Variants in CCDC178 observed in about 807,000 individuals in gnomAD.
The protein encoded by CCDC178 is coiled-coil domain containing 178.
A neutral mutation model predicts 117.4 loss-of-function variants in CCDC178; 126 were observed. The observed-to-expected ratio is 1.07, with a 90% CI of 0.93 to 1.24. CCDC178 has a LOEUF of 1.24. Among genes scored for constraint, CCDC178 ranks in the 50% most tolerant of loss-of-function variants. The pLI, the probability that CCDC178 is intolerant of heterozygous loss-of-function variation, is 0.00. For synonymous variants in CCDC178, 283 were observed against 313.4 expected (o/e 0.90, Z 1.02); for missense variants, 1,030 against 986.9 (o/e 1.04, Z -0.59).
chr18:33,126,996 AAAT>A (rs1444534958), intron 20 of CCDC178, among the ~76,000 whole-genome samples: 3 of 139,426 alleles, frequency 2.2e-5, no homozygotes, highest in African/African-American at 8.7e-5. Context: ...TAAAAAAAAA[AAAT>A]ATATATATAT....
At chr18:33,188,872 T>G (rs2058825777) in intron 20 of CCDC178, among the ~76,000 whole-genome samples, 1 of 152,202 alleles carries the variant, frequency 6.6e-6, no homozygotes, top group Admixed American at 6.6e-5. Flanking sequence ...AGAAAATGAC[T>G]ACAGTGGTTC....
In CCDC178 at chr18:33,413,910, T is replaced by C. The variant is rs368554108; in HGVS notation, c.-22-1800A>G. ...ATAAAATCTATGAGAAGACTGCCCATAGACTGAAGCCCAGCCTCAAATTAC... is the reference window on the plus strand; with the variant it reads ...ATAAAATCTATGAGAAGACTGCCCACAGACTGAAGCCCAGCCTCAAATTAC... On this transcript the variant is annotated intron_variant, in intron 2 of 22. Transcript: ENST00000383096. Among the ~76,000 whole-genome samples, 300 of 152,280 alleles carry C rather than the reference T, an allele frequency of 2.0e-3. 1 individual carries two copies. Among genetic ancestry groups the C allele is most frequent in the African/African-American group, 6.9e-3 (286 of 41,554 alleles).
At chr18:33,273,110 T>C (rs537704356) in intron 12 of CCDC178, among the ~76,000 whole-genome samples, 48 of 151,476 alleles carry the variant, frequency 3.2e-4, no homozygotes, top group Non-Finnish European at 2.5e-4. Flanking sequence ...TAAACATCTG[T>C]ATTTGCAGAT....
intron 11 of CCDC178, among the ~76,000 whole-genome samples, chr18:33,312,817 T>C (rs2062360825): frequency 6.6e-6 from 1 of 152,166 alleles, no homozygotes; most frequent in Admixed American, 6.5e-5. Flanking sequence ...TCCCACATAA[T>C]GTTGAAGATG....
chr18:33,388,084 A>G (rs1230554929), intron 5 of CCDC178, among the ~76,000 whole-genome samples: 1 of 152,226 alleles, frequency 6.6e-6, no homozygotes, highest in African/African-American at 2.4e-5. Flanking sequence ...AGAAAAAGGC[A>G]TACATGTGGC....
chr18:33,046,687 T>C (rs1027815476), intron 21 of CCDC178, among the ~76,000 whole-genome samples: 1 of 152,150 alleles, frequency 6.6e-6, no homozygotes, highest in Non-Finnish European at 1.5e-5. Flanking sequence ...AAGTAGCTAC[T>C]TTGAGACTGA....
At chr18:33,286,721 A>G (rs2060102541) in intron 12 of CCDC178, among the ~76,000 whole-genome samples, 1 of 152,176 alleles carries the variant, frequency 6.6e-6, no homozygotes, top group African/African-American at 2.4e-5. Context: ...TTATATGAAA[A>G]CTAAGTTACT....
chr18:33,087,033 GACAC>G (rs35149990), intron 21 of CCDC178, among the ~76,000 whole-genome samples: 1,773 of 133,440 alleles, frequency 0.013, 26 homozygotes, highest in African/African-American at 0.04. Context: ...GCCATTGGTT[GACAC>G]ACACACACAC....
At chr18:33,289,501 C>T (rs1004462029) in intron 12 of CCDC178, among the ~76,000 whole-genome samples, 2 of 151,994 alleles carry the variant, frequency 1.3e-5, no homozygotes, top group Non-Finnish European at 2.9e-5. Flanking sequence ...GTAATCCCAG[C>T]TACTGGGGAG....
Position 33,269,215 on chromosome 18 carries a change from G to C in CCDC178, c.1177-1918C>G, listed in dbSNP as rs183613415. Reference sequence around the variant, plus strand: ...AGCATGGTTGTCCAAAAAAATTACAGGCAATTGATAAACTCTGTGGCCACC... The same window carrying C: ...AGCATGGTTGTCCAAAAAAATTACACGCAATTGATAAACTCTGTGGCCACC... On this transcript the variant is annotated intron_variant, in intron 12 of 22. Transcript: ENST00000383096. Among the ~76,000 whole-genome samples the C allele has an allele frequency of 1.9e-3, 283 of 151,882 alleles. 1 individual carries two copies. Among genetic ancestry groups the C allele is most frequent in the Non-Finnish European group, 3.1e-3 (213 of 67,826 alleles).
intron 21 of CCDC178, among the ~76,000 whole-genome samples, chr18:33,038,192 G>A (rs7235822): frequency 0.056 from 8,507 of 151,868 alleles, 395 homozygotes; most frequent in African/African-American, 0.13. Flanking sequence ...CTAAAATGCT[G>A]GAAAGTCAAC....
At chr18:32,958,192 A>C (rs956995864) in intron 22 of CCDC178, 3 of 584,950 alleles carry the variant, frequency 5.1e-6, no homozygotes, top group Non-Finnish European at 9.4e-6. Flanking sequence ...TTTAAAAGCA[A>C]TTTTATTCTT....
intron 7 of CCDC178, among the ~76,000 whole-genome samples, chr18:33,353,074 G>C (rs114820026): frequency 6.6e-6 from 1 of 151,468 alleles, no homozygotes; most frequent in East Asian, 1.9e-4. Flanking sequence ...TTATATGTCT[G>C]TTTTGAGGTT....
intron 21 of CCDC178, among the ~76,000 whole-genome samples, chr18:33,006,086 T>C (rs971115490): frequency 6.6e-5 from 10 of 152,108 alleles, no homozygotes; most frequent in Non-Finnish European, 1.3e-4. Context: ...GACATTCGTT[T>C]GGTTGACTGT....
chr18:33,435,670 G>C (rs2064278737), intron 2 of CCDC178, among the ~76,000 whole-genome samples: 1 of 40,874 alleles, frequency 2.4e-5, no homozygotes, highest in Admixed American at 3.3e-4. Context: ...AGTGATCATA[G>C]TAAACATTAT....
At chr18:33,282,551 T>C (rs1298500186) in intron 12 of CCDC178, among the ~76,000 whole-genome samples, 2 of 152,202 alleles carry the variant, frequency 1.3e-5, no homozygotes, top group East Asian at 3.9e-4. Flanking sequence ...GCCCACACCA[T>C]AGCTTCTGCA....
At chr18:33,393,199 A>G (rs1051798477) in intron 4 of CCDC178, among the ~76,000 whole-genome samples, 2 of 151,816 alleles carry the variant, frequency 1.3e-5, no homozygotes, top group African/African-American at 2.4e-5. Context: ...TTTCATATGT[A>G]TGCCTTATTT....
intron 22 of CCDC178, among the ~76,000 whole-genome samples, chr18:32,952,836 T>G (rs181072643): frequency 8.0e-5 from 12 of 150,488 alleles, no homozygotes; most frequent in African/African-American, 2.9e-4. Context: ...TGCAGTGGCA[T>G]GATCTCGGCT....
chr18:33,142,924 G>A (rs2058224862), intron 20 of CCDC178, among the ~76,000 whole-genome samples: 1 of 152,062 alleles, frequency 6.6e-6, no homozygotes, highest in South Asian at 2.1e-4. Flanking sequence ...AGTTATACAA[G>A]AAATGTCAAG....
Sources: allele counts gnomAD v4.1 joint callset (sites outside exome capture counted in the v4.1 genomes callset), GRCh38; gene constraint gnomAD v4.1.1; transcripts MANE v1.5; gene names NCBI Gene and HGNC (gene_info 2026-07-23, HGNC 2026-07-21).